The following CR1 variants were observed in gnomAD, a reference collection of about 807,000 sequenced individuals.
CR1 encodes complement C3b/C4b receptor 1 (Knops blood group), also known as complement receptor type 1.
A neutral mutation model predicts 187.3 loss-of-function variants in CR1; 116 were observed. That is an observed-to-expected ratio of 0.62 (90% CI 0.53 to 0.72). CR1 has a LOEUF of 0.72. CR1 is among the 30% of genes least tolerant of loss of function. The pLI is 0.00. For missense variants in CR1, 1,731 were observed against 2,110.7 expected, an observed-to-expected ratio of 0.82 and a Z score of 3.52; for synonymous variants, 576 against 747.1, an observed-to-expected ratio of 0.77 and a Z score of 3.73.
chr1:207,568,142 C>T (rs1431823678), intron 25 of CR1, 100 bp downstream of exon 25: 3 of 1,597,592 alleles, frequency 1.9e-6, no homozygotes, highest in Middle Eastern at 1.9e-4. Context: ...TGTATGTATG[C>T]ATTTGCCACA....
In CR1 at chr1:207,496,506, G is replaced by A. The variant is rs1465804476; in HGVS notation, c.121+118G>A. ...CTGCGCGCCCGGGTCCGAAGGCAGCGCGATGGGTGGGCTGAGCGCGCGACC... is the reference window on the plus strand; with the variant it reads ...CTGCGCGCCCGGGTCCGAAGGCAGCACGATGGGTGGGCTGAGCGCGCGACC... On this transcript the variant is annotated intron_variant, in intron 1 of 46. Transcript: ENST00000367049. 42 of 1,071,870 alleles carry A rather than the reference G, an allele frequency of 3.9e-5. No individual in the cohort carries two copies. The Middle Eastern group carries it at 1.9e-3, about 48-fold the overall frequency. The allele number at this position is 1,071,870 out of a possible 1,614,324, so 66.4% of individuals were successfully genotyped here. A position where few individuals can be genotyped will look rare whatever the true frequency, so the allele number is the denominator to read the frequency against.
intron 33 of CR1, 107 bp downstream of exon 33, chr1:207,584,983 C>T: frequency 6.6e-7 from 1 of 1,508,402 alleles, no homozygotes; most frequent in Non-Finnish European, 9.0e-7. Context: ...TTAACTTTGT[C>T]ATAAGTGTAA....
chr1:207,600,658 G>A (rs1388600855), intron 35 of CR1: 1 of 152,142 alleles, frequency 6.6e-6, no homozygotes, highest in African/African-American at 2.4e-5. Context: ...ATCCTCAAGT[G>A]CATGTGCCTC....
At chr1:207,501,100 G>A (rs1309991276) in intron 1 of CR1, among the ~76,000 whole-genome samples, 2 of 152,192 alleles carry the variant, frequency 1.3e-5, no homozygotes, top group African/African-American at 2.4e-5. Flanking sequence ...TCAATCTGTA[G>A]TAAGAGAAAA....
intron 35 of CR1, chr1:207,598,981 C>A (rs1661530643): frequency 6.6e-6 from 1 of 152,148 alleles, no homozygotes; most frequent in Non-Finnish European, 1.5e-5. Flanking sequence ...GGATGGTCAC[C>A]ATCCCAACCA....
At position 207,523,591 on chromosome 1, in the gene CR1, C is replaced by G; in HGVS notation, c.488-20C>G. On this transcript the variant is annotated intron_variant, in intron 4 of 46. Transcript: ENST00000367049. The stretch of plus-strand genomic sequence containing the variant: ...ATTATTTAAACTGACTGTTATTTAT[C>G]CTGCTCTTCCTTTTTCCAGGAATTC... 1 of 1,613,642 alleles carries G rather than the reference C, an allele frequency of 6.2e-7. No individual in the cohort carries two copies. The highest frequency in any genetic ancestry group is 8.5e-7 in the Non-Finnish European group (1 of 1,179,824).
rs1662626041 is a variant in CR1, at chr1:207,630,917, G to T, written c.7457+296G>T. On this transcript the variant is annotated intron_variant, in intron 46 of 46. Transcript: ENST00000367049. ...GAGAAGTAGTATGCTTTTTTCTTGT[G>T]GAACCCAAGAATTTGCTGCCTGCTT... 2.0e-5 allele frequency among the ~76,000 whole-genome samples: 3 copies of T among 151,714 alleles called. No homozygotes were observed. The South Asian group carries it at 6.2e-4, about 31-fold the overall frequency.
Position 207,607,437 on chromosome 1 carries a change from T to C in CR1, c.5896+101T>C, listed in dbSNP as rs1571588059. 2.0e-5 allele frequency: 17 copies of C among 850,320 alleles called. No homozygotes were observed. In the East Asian group the frequency reaches 3.9e-4, roughly 20 times the overall value. 52.7% of individuals were successfully genotyped at this position (850,320 alleles called of 1,614,324 possible). On this transcript the variant is annotated intron_variant, in intron 36 of 46. Coordinates refer to ENST00000367049, the MANE Select transcript of CR1 (RefSeq NM_000651.6). ...AATCCTTCTTGCACAAAGTAGTCTC[T>C]CAGATATTTGAAAATAGGAGTCAGA...
At chr1:207,591,384 T>A (rs1661267451) in intron 35 of CR1, among the ~76,000 whole-genome samples, 1 of 152,074 alleles carries the variant, frequency 6.6e-6, no homozygotes, top group Non-Finnish European at 1.5e-5. Context: ...CAGAAATAAG[T>A]AAGTTCTTTG....
intron 1 of CR1, among the ~76,000 whole-genome samples, chr1:207,501,127 C>T (rs1659253758): frequency 6.6e-6 from 1 of 152,004 alleles, no homozygotes; most frequent in Admixed American, 6.5e-5. Flanking sequence ...GAGTTATTTC[C>T]TTTATATGAT....
At chr1:207,504,076 A>G (rs1659355166) in intron 1 of CR1, among the ~76,000 whole-genome samples, 1 of 152,182 alleles carries the variant, frequency 6.6e-6, no homozygotes. Context: ...TGCTTAGCTA[A>G]GAGGGGAAAG....
rs750598422 is a variant in CR1 at position 207,577,989 on chromosome 1, C to A, written c.4722C>A (p.Ile1574=). ...YCTSNDDQVG[I]WSGPAPQCII... ...CCAGCAATGACGATCAAGTGGGCAT[C>A]TGGAGCGGCCCCGCCCCTCAGTGCA... Residue 1574 remains isoleucine, a synonymous_variant, in exon 29 of 47, where the codon ATC becomes ATA. Coordinates refer to ENST00000367049, the MANE Select transcript of CR1 (RefSeq NM_000651.6). The A allele has an allele frequency of 6.2e-7, 1 of 1,611,822 alleles. No homozygotes were observed. Among genetic ancestry groups the A allele is most frequent in the Non-Finnish European group, 8.5e-7 (1 of 1,179,722 alleles).
At chr1:207,566,532 A>G (rs1489758501) in intron 24 of CR1, among the ~76,000 whole-genome samples, 3 of 150,230 alleles carry the variant, frequency 2.0e-5, no homozygotes, top group Non-Finnish European at 4.4e-5. Context: ...GGAGAGGGAC[A>G]AGAAAAAAAA....
At chr1:207,604,671 T>C (rs1661695761) in intron 35 of CR1, among the ~76,000 whole-genome samples, 1 of 152,366 alleles carries the variant, frequency 6.6e-6, no homozygotes, top group South Asian at 2.1e-4. Flanking sequence ...TCTCTATTCC[T>C]GCATCATTTC....
intron 4 of CR1, among the ~76,000 whole-genome samples, chr1:207,520,521 G>C (rs10779311): frequency 0.99 from 149,852 of 152,054 alleles, 73,851 homozygotes; most frequent in Middle Eastern, 1. Context: ...CCTTCTCTCT[G>C]TCTGTCTCCT....
intron 46 of CR1, among the ~76,000 whole-genome samples, chr1:207,638,047 A>T (rs1662870440): frequency 6.6e-6 from 1 of 152,250 alleles, no homozygotes; most frequent in Non-Finnish European, 1.5e-5. Context: ...ATAAATGTTT[A>T]AAAAATTTAA....
intron 45 of CR1, among the ~76,000 whole-genome samples, chr1:207,626,250 C>T (rs1438077538): frequency 3.9e-5 from 6 of 152,162 alleles, no homozygotes; most frequent in Admixed American, 3.9e-4. Context: ...CAAAACACCA[C>T]TGATTTTCAT....
chr1:207,580,501 C>G lies in CR1; in HGVS notation c.5114-10C>G. On this transcript the variant is annotated splice_polypyrimidine_tract_variant and intron_variant, in intron 30 of 46. Transcript: ENST00000367049. ...CCTATTTTTTCTTTTTTTTTTTTTT[C>G]TTCTTCTAGTGAAATCCTGTGATGA... is the stretch of plus-strand genomic sequence containing the variant. 7.4e-7 allele frequency: 1 copy of G among 1,348,546 alleles called. No homozygotes were observed. The highest frequency in any genetic ancestry group is 9.8e-7 in the Non-Finnish European group (1 of 1,019,260). 83.5% of individuals were successfully genotyped at this position (1,348,546 alleles called of 1,614,324 possible).
intron 27 of CR1, among the ~76,000 whole-genome samples, chr1:207,573,438 C>T (rs1336806939): frequency 1.3e-5 from 2 of 151,988 alleles, no homozygotes; most frequent in Admixed American, 1.3e-4. Flanking sequence ...TGACTGTACC[C>T]TACTCATCTT....
Sources: allele counts gnomAD v4.1 joint callset (sites outside exome capture counted in the v4.1 genomes callset), GRCh38; gene constraint gnomAD v4.1.1; transcripts MANE v1.5; gene names NCBI Gene and HGNC (gene_info 2026-07-23, HGNC 2026-07-21).